The following NBEA variants were observed in gnomAD, a reference collection of about 807,000 sequenced individuals.
NBEA encodes the protein neurobeachin.
NBEA carries 44 observed loss-of-function variants against 343.4 expected under a neutral mutation model. The observed-to-expected ratio is 0.13, with a 90% confidence interval of 0.10 to 0.16. NBEA has a LOEUF of 0.16. Ranked by LOEUF, NBEA falls within the 10% of genes least tolerant of loss-of-function variation. NBEA has a pLI of 1.00. For synonymous variants in NBEA, 1,175 were observed against 1,238.7 expected, an observed-to-expected ratio of 0.95 and a Z score of 1.08; for missense variants, 2,555 against 3,631.3, an observed-to-expected ratio of 0.70 and a Z score of 7.62.
At chr13:34,988,554 G>A (rs985836912) in intron 1 of NBEA, among the ~76,000 whole-genome samples, 3 of 151,118 alleles carry the variant, frequency 2.0e-5, no homozygotes, top group Admixed American at 2.0e-4. Context: ...ATATCAGACT[G>A]CTGTGCTAGC....
chr13:35,587,193 T>C (rs528144011), intron 46 of NBEA, among the ~76,000 whole-genome samples: 2 of 152,046 alleles, frequency 1.3e-5, no homozygotes, highest in South Asian at 4.1e-4. Flanking sequence ...AAAAAAAAAG[T>C]CACTGGAGTT....
intron 13 of NBEA, among the ~76,000 whole-genome samples, chr13:35,115,157 C>T (rs1179443948): frequency 6.6e-6 from 1 of 152,028 alleles, no homozygotes; most frequent in Non-Finnish European, 1.5e-5. Flanking sequence ...AATGTTACTA[C>T]TCTCCCAGGT....
intron 1 of NBEA, among the ~76,000 whole-genome samples, chr13:34,952,887 T>G (rs2059391313): frequency 6.6e-6 from 1 of 152,168 alleles, no homozygotes; most frequent in Non-Finnish European, 1.5e-5. Context: ...TGGGTTCATA[T>G]CTTATGTTTT....
At chr13:35,556,101 C>A (rs909111358) in intron 44 of NBEA, among the ~76,000 whole-genome samples, 2 of 151,812 alleles carry the variant, frequency 1.3e-5, no homozygotes, top group African/African-American at 4.8e-5. Flanking sequence ...CCAATACATT[C>A]ATGTATATAT....
intron 34 of NBEA, chr13:35,250,972 A>C (rs968564706): frequency 2.0e-5 from 3 of 152,496 alleles, no homozygotes; most frequent in African/African-American, 7.2e-5. Flanking sequence ...GAATGGTATC[A>C]GTGCTGTAAC....
At chr13:35,256,122 G>A (rs9593031) in intron 34 of NBEA, among the ~76,000 whole-genome samples, 1,963 of 152,084 alleles carry the variant, frequency 0.013, 34 homozygotes, top group African/African-American at 0.043. Context: ...AGGTTGTCCC[G>A]ATAAGTGTCC....
At chr13:35,225,881 C>CT (rs1251596637) in intron 33 of NBEA, among the ~76,000 whole-genome samples, 1 of 151,962 alleles carries the variant, frequency 6.6e-6, no homozygotes, top group African/African-American at 2.4e-5. Flanking sequence ...GATTATCTGG[C>CT]TTTTTCTTGT....
chr13:35,373,518 G>T (rs1343665216), intron 38 of NBEA, among the ~76,000 whole-genome samples: 1 of 151,186 alleles, frequency 6.6e-6, no homozygotes, highest in Admixed American at 6.6e-5. Flanking sequence ...CAGCCTGGGT[G>T]ACAGGACAAA....
At chr13:35,430,965 G>A (rs1326299077) in intron 38 of NBEA, among the ~76,000 whole-genome samples, 1 of 151,914 alleles carries the variant, frequency 6.6e-6, no homozygotes, top group Non-Finnish European at 1.5e-5. Context: ...TACAATTTTA[G>A]TTCTTTTTAT....
At chr13:34,987,980 C>A (rs1400084325) in intron 1 of NBEA, among the ~76,000 whole-genome samples, 1 of 151,080 alleles carries the variant, frequency 6.6e-6, no homozygotes, top group Non-Finnish European at 1.5e-5. Context: ...TACTGACCTT[C>A]TGAAGCCTAC....
intron 10 of NBEA, among the ~76,000 whole-genome samples, chr13:35,085,407 T>C (rs1231125539): frequency 6.6e-6 from 1 of 152,162 alleles, no homozygotes; most frequent in Admixed American, 6.6e-5. Flanking sequence ...GCTTCATCCC[T>C]GGGATGCAAG....
intron 38 of NBEA, among the ~76,000 whole-genome samples, chr13:35,380,228 T>A (rs201774332): frequency 3.3e-5 from 5 of 151,608 alleles, no homozygotes; most frequent in Non-Finnish European, 7.4e-5. Flanking sequence ...GTGAATCACC[T>A]GAGGTCAGGA....
At chr13:35,313,697 A>T (rs1448741433) in intron 36 of NBEA, among the ~76,000 whole-genome samples, 3 of 152,114 alleles carry the variant, frequency 2.0e-5, no homozygotes, top group Non-Finnish European at 4.4e-5. Flanking sequence ...AAGTAATTGC[A>T]AGTTTAATAA....
chr13:35,139,744 GTTTTTTTTTT>G lies in NBEA; in HGVS notation c.2337-2506_2337-2497del, dbSNP rs36117821. Among the ~76,000 whole-genome samples the G allele has an allele frequency of 1.5e-4, 9 of 61,118 alleles. No homozygotes were observed. In the South Asian group the frequency reaches 1.8e-3, roughly 12 times the overall value. 40.1% of individuals were successfully genotyped at this position (61,118 alleles called of 152,430 possible). On this transcript the variant is annotated intron_variant, in intron 17 of 58. Transcript: ENST00000379939. ...TTTCCTGCCTAAGATGATGGATGGC[GTTTTTTTTTT>G]TTTTTTTTTTTTTTTTTTATCTCTT...
chr13:35,654,915 T>C lies in NBEA; in HGVS notation c.8096T>C (p.Ile2699Thr), dbSNP rs746600818. The C allele has an allele frequency of 6.3e-7, 1 of 1,590,540 alleles. No homozygotes were observed. The highest frequency in any genetic ancestry group is 2.3e-5 in the East Asian group (1 of 43,358). The stretch of plus-strand genomic sequence containing the variant: ...GACCTCGTTGACCAGAGTATACAAA[T>C]CAATGCACATTGTTTTGTGGTAACA... ...ITDLVDQSIQ[I>T]NAHCFVVTAD... The change falls in exon 54 of 59, where the codon ATC becomes ACC. Residue 2699 changes from isoleucine (I) to threonine (T), a missense_variant. This residue lies in a region of NBEA where 39 missense variants were observed against 37.9 expected (regional missense o/e 1.03). Coordinates refer to ENST00000379939, the MANE Select transcript of NBEA (RefSeq NM_001385012.1).
chr13:35,348,435 G>A (rs533607187), intron 36 of NBEA, among the ~76,000 whole-genome samples: 2 of 152,214 alleles, frequency 1.3e-5, no homozygotes, highest in Non-Finnish European at 1.5e-5. Context: ...GACATAGTGA[G>A]AGGCTTTTCA....
At chr13:35,315,885 C>G (rs1043564371) in intron 36 of NBEA, among the ~76,000 whole-genome samples, 1 of 151,902 alleles carries the variant, frequency 6.6e-6, no homozygotes. Flanking sequence ...GAGTTTATTT[C>G]TCTTATGTCT....
At chr13:35,040,793 A>G (rs2062622141) in intron 1 of NBEA, 140 bp from the exon 2 acceptor site, 3 of 669,834 alleles carry the variant, frequency 4.5e-6, no homozygotes, top group Non-Finnish European at 7.5e-6. Context: ...TAGCTCTTAT[A>G]CTTTTGATCA....
chr13:35,407,596 C>T (rs2043341155), intron 38 of NBEA, among the ~76,000 whole-genome samples: 1 of 151,504 alleles, frequency 6.6e-6, no homozygotes, highest in South Asian at 2.1e-4. Flanking sequence ...GAATGATTTG[C>T]TCTGCCCTTT....
Sources: gnomAD v4.1 joint callset for allele counts (sites outside exome capture counted in the v4.1 genomes callset) on GRCh38, gnomAD v4.1.1 for gene constraint, gnomAD v4.1.1 regional missense constraint, MANE v1.5 for transcripts, NCBI Gene and HGNC (gene_info 2026-07-23, HGNC 2026-07-21) for gene names.